SHISA6: variants seen among roughly 807,000 people sequenced by gnomAD.
SHISA6 encodes the protein protein shisa-6.
SHISA6 carries 22 observed loss-of-function variants against 47.9 expected under a neutral mutation model. The observed-to-expected ratio is 0.46, with a 90% CI of 0.33 to 0.66. SHISA6 has a LOEUF of 0.66. Ranked by LOEUF, SHISA6 falls within the 30% of genes least tolerant of loss-of-function variation. The pLI, the probability that SHISA6 is intolerant of heterozygous loss-of-function variation, is 0.02. For missense variants in SHISA6, 680 were observed against 764.6 expected (o/e 0.89, Z 1.30); for synonymous variants, 388 against 337.8 (o/e 1.15, Z -1.63).
At chr17:11,265,859 C>T (rs2142148372) in intron 2 of SHISA6, among the ~76,000 whole-genome samples, 1 of 152,316 alleles carries the variant, frequency 6.6e-6, no homozygotes, top group Non-Finnish European at 1.5e-5. Flanking sequence ...CTTCTGGTTT[C>T]TGTATACCTC....
At chr17:11,352,639 G>A (rs1911926592) in intron 2 of SHISA6, among the ~76,000 whole-genome samples, 1 of 152,172 alleles carries the variant, frequency 6.6e-6, no homozygotes, top group Admixed American at 6.5e-5. Context: ...AGAGACCAGA[G>A]CACCAACGTT....
At chr17:11,356,131 C>G (rs569174037) in intron 2 of SHISA6, among the ~76,000 whole-genome samples, 1 of 152,268 alleles carries the variant, frequency 6.6e-6, no homozygotes, top group East Asian at 1.9e-4. Flanking sequence ...AAGATAAGAC[C>G]AGCAAATGAG....
chr17:11,493,948 T>C (rs1309820291), intron 3 of SHISA6, among the ~76,000 whole-genome samples: 1 of 152,014 alleles, frequency 6.6e-6, no homozygotes, highest in Non-Finnish European at 1.5e-5. Flanking sequence ...TTTATACTAA[T>C]CTCTCATTTG....
intron 3 of SHISA6, among the ~76,000 whole-genome samples, chr17:11,452,498 C>T (rs1312006624): frequency 6.6e-6 from 1 of 152,170 alleles, no homozygotes; most frequent in Non-Finnish European, 1.5e-5. Flanking sequence ...ATCACCACCT[C>T]TGTGTTTCAT....
chr17:11,274,542 G>A (rs1377916783), intron 2 of SHISA6, among the ~76,000 whole-genome samples: 1 of 136,824 alleles, frequency 7.3e-6, no homozygotes, highest in Non-Finnish European at 1.5e-5. Flanking sequence ...AGGAGGGAGA[G>A]CCCAGCCTCC....
chr17:11,320,843 T>C (rs1309862234), intron 2 of SHISA6, among the ~76,000 whole-genome samples: 1 of 152,188 alleles, frequency 6.6e-6, no homozygotes, highest in African/African-American at 2.4e-5. Context: ...CATGTATGGG[T>C]GTGACATACC....
At chr17:11,369,145 A>C (rs1406570744) in intron 2 of SHISA6, among the ~76,000 whole-genome samples, 2 of 152,188 alleles carry the variant, frequency 1.3e-5, no homozygotes, top group East Asian at 3.9e-4. Context: ...GCCTAGGGCC[A>C]TTTGGCACTT....
At chr17:11,424,306 C>T (rs988280663) in intron 3 of SHISA6, among the ~76,000 whole-genome samples, 1 of 152,042 alleles carries the variant, frequency 6.6e-6, no homozygotes, top group African/African-American at 2.4e-5. Flanking sequence ...ACGATAGTGC[C>T]AGATGATGCT....
intron 3 of SHISA6, among the ~76,000 whole-genome samples, chr17:11,523,611 T>G (rs1471469477): frequency 6.6e-6 from 1 of 152,126 alleles, no homozygotes; most frequent in African/African-American, 2.4e-5. Flanking sequence ...GCTGTGAAAA[T>G]GGCATGCTTT....
intron 3 of SHISA6, among the ~76,000 whole-genome samples, chr17:11,450,440 T>G (rs1159568352): frequency 6.6e-6 from 1 of 151,974 alleles, no homozygotes; most frequent in Non-Finnish European, 1.5e-5. Flanking sequence ...GCGGATCACC[T>G]GAGGTCAGGA....
At chr17:11,385,354 G>A (rs928921637) in intron 3 of SHISA6, among the ~76,000 whole-genome samples, 21 of 151,992 alleles carry the variant, frequency 1.4e-4, no homozygotes, top group African/African-American at 4.8e-4. Flanking sequence ...TGTAGTGGTT[G>A]GAGGTGTGGT....
chr17:11,379,810 GTGGATGTAGCAGCA>G (rs1912951714), intron 3 of SHISA6: 1 of 304,374 alleles, frequency 3.3e-6, no homozygotes, highest in Admixed American at 5.8e-5. Flanking sequence ...AAAACTGCCG[GTGGATGTAGCAGCA>G]TTTGCAATGT....
intron 2 of SHISA6, among the ~76,000 whole-genome samples, chr17:11,348,568 A>G (rs1255707626): frequency 6.6e-6 from 1 of 152,100 alleles, no homozygotes; most frequent in Non-Finnish European, 1.5e-5. Flanking sequence ...CTATGATCCC[A>G]ATAGGCCTCC....
chr17:11,473,383 T>A (rs1039195869), intron 3 of SHISA6, among the ~76,000 whole-genome samples: 1 of 152,158 alleles, frequency 6.6e-6, no homozygotes, highest in Non-Finnish European at 1.5e-5. Flanking sequence ...AAGTCCAAGG[T>A]GCCAGCAGAT....
chr17:11,512,407 C>T (rs144290360), intron 3 of SHISA6, among the ~76,000 whole-genome samples: 1 of 152,318 alleles, frequency 6.6e-6, no homozygotes, highest in Admixed American at 6.5e-5. Flanking sequence ...CCAGAAACAG[C>T]TCATTCTTCC....
At chr17:11,341,501 A>G (rs1305355421) in intron 2 of SHISA6, among the ~76,000 whole-genome samples, 1 of 151,488 alleles carries the variant, frequency 6.6e-6, no homozygotes, top group Non-Finnish European at 1.5e-5. Context: ...TGCCTGGCTA[A>G]TTTTTGTATT....
chr17:11,415,750 T>TC (rs1214946531), intron 3 of SHISA6, among the ~76,000 whole-genome samples: 1 of 151,856 alleles, frequency 6.6e-6, no homozygotes, highest in Non-Finnish European at 1.5e-5. Context: ...TGTTGTTCTT[T>TC]TTTTTGCTAT....
chr17:11,248,740 G>T (rs569904427), intron 1 of SHISA6, among the ~76,000 whole-genome samples: 7 of 152,216 alleles, frequency 4.6e-5, no homozygotes, highest in Middle Eastern at 3.4e-3. Flanking sequence ...CCTTTTATAA[G>T]GTCTGAGTAA....
At chr17:11,298,262 G>C (rs1383819630) in intron 2 of SHISA6, among the ~76,000 whole-genome samples, 1 of 152,180 alleles carries the variant, frequency 6.6e-6, no homozygotes, top group East Asian at 1.9e-4. Flanking sequence ...CCTCTAGCCT[G>C]GAACCAGAAA....
Sources: gnomAD v4.1 joint callset for allele counts (sites outside exome capture counted in the v4.1 genomes callset) on GRCh38, gnomAD v4.1.1 for gene constraint, MANE v1.5 for transcripts, NCBI Gene and HGNC (gene_info 2026-07-23, HGNC 2026-07-21) for gene names.